KIF6: variants seen among roughly 807,000 people sequenced by gnomAD.
KIF6 encodes kinesin-like protein KIF6.
KIF6 carries 106 observed loss-of-function variants against 112.7 expected under a neutral mutation model. The ratio of observed to expected loss-of-function variants is 0.94; its 90% CI spans 0.80 to 1.11. The LOEUF (loss-of-function observed/expected upper bound fraction) is 1.11. KIF6 is among the 50% of genes least tolerant of loss of function. The pLI is 0.00. For synonymous variants in KIF6, 339 were observed against 339.9 expected (o/e 1.00, Z 0.03); for missense variants, 929 against 964.0 (o/e 0.96, Z 0.48).
In KIF6 at chr6:39,357,277, C is replaced by G; in HGVS notation, c.2180G>C (p.Ser727Thr). ...CACCTCCGGTGAGTTCTCACCTTAC[C>G]TTTTGTTAGAGAGGAGTTGGGACCA... ...HEWSQLLSNKSSGGWEVQDQG... is the reference protein window; with the variant it reads ...HEWSQLLSNKTSGGWEVQDQG... Residue 727 changes from serine to threonine, a missense_variant and splice_region_variant, in exon 19 of 23, where the codon AGT becomes ACT. This residue lies in a region of KIF6 where 241 missense variants were observed against 301.4 expected (regional missense o/e 0.80). Coordinates refer to ENST00000287152, the MANE Select transcript of KIF6 (RefSeq NM_145027.6). 1.2e-6 allele frequency: 2 copies of G among 1,608,066 alleles called. No homozygotes were observed. The highest frequency in any genetic ancestry group is 1.7e-6 in the Non-Finnish European group (2 of 1,175,224).
chr6:39,490,100 G>C (rs1212641538), intron 13 of KIF6, among the ~76,000 whole-genome samples: 1 of 152,224 alleles, frequency 6.6e-6, no homozygotes, highest in East Asian at 1.9e-4. Flanking sequence ...TAGGCCATCA[G>C]AGTTCCTGCT....
intron 4 of KIF6, among the ~76,000 whole-genome samples, chr6:39,636,118 T>C (rs1358490408): frequency 6.6e-6 from 1 of 152,044 alleles, no homozygotes; most frequent in African/African-American, 2.4e-5. Context: ...GTTGAGCCTC[T>C]ACCATGTCAG....
chr6:39,348,863 G>A (rs1045685097), intron 19 of KIF6, among the ~76,000 whole-genome samples: 2 of 152,214 alleles, frequency 1.3e-5, no homozygotes, highest in African/African-American at 2.4e-5. Context: ...CTGGAGCTCG[G>A]GCAGCAACAG....
intron 13 of KIF6, among the ~76,000 whole-genome samples, chr6:39,481,025 C>A (rs1325413860): frequency 3.3e-5 from 5 of 151,692 alleles, no homozygotes; most frequent in Admixed American, 6.6e-5. Context: ...TTTCATTTAT[C>A]TTTTGTATTT....
At chr6:39,452,046 C>CA (rs1031031985) in intron 13 of KIF6, among the ~76,000 whole-genome samples, 20 of 152,330 alleles carry the variant, frequency 1.3e-4, no homozygotes, top group Admixed American at 2.6e-4. Flanking sequence ...TCAGTTTCCT[C>CA]ATCCATGAAA....
At chr6:39,550,236 G>A (rs1779292499) in intron 10 of KIF6, among the ~76,000 whole-genome samples, 2 of 152,104 alleles carry the variant, frequency 1.3e-5, no homozygotes, top group South Asian at 4.2e-4. Flanking sequence ...GTCAGCAGTG[G>A]GTTCTAGAAA....
At chr6:39,571,031 C>A (rs373181235) in intron 10 of KIF6, among the ~76,000 whole-genome samples, 4 of 152,126 alleles carry the variant, frequency 2.6e-5, no homozygotes, top group Non-Finnish European at 5.9e-5. Context: ...AAATTTAAAT[C>A]ATCACTTTTA....
rs190657566 is a variant in KIF6, at chr6:39,698,306, A to G, written c.251+16386T>C. On this transcript the variant is annotated intron_variant, in intron 3 of 22. Transcript: ENST00000287152. ...TAAAGAAGCAATTCCATTTTTTAAAAAGAATCATACAAAAGAAGTTTGTTA... is the reference window on the plus strand; with the variant it reads ...TAAAGAAGCAATTCCATTTTTTAAAGAGAATCATACAAAAGAAGTTTGTTA... Among the ~76,000 whole-genome samples the G allele has an allele frequency of 1.6e-3, 239 of 152,340 alleles. 1 individual carries two copies. The highest frequency in any genetic ancestry group is 5.5e-3 in the African/African-American group (229 of 41,586).
chr6:39,619,366 T>C (rs1030143798), intron 5 of KIF6, among the ~76,000 whole-genome samples: 14 of 152,204 alleles, frequency 9.2e-5, no homozygotes, highest in Non-Finnish European at 1.5e-4. Context: ...CCAAAGATCT[T>C]AACCAACCTC....
intron 11 of KIF6, 61 bp downstream of exon 11, chr6:39,545,522 G>A (rs1779023859): frequency 1.5e-6 from 2 of 1,305,744 alleles, no homozygotes. Context: ...AACTAGAAAA[G>A]TTTTTTTGCA....
chr6:39,478,415 T>A (rs1209961707), intron 13 of KIF6, among the ~76,000 whole-genome samples: 3 of 152,142 alleles, frequency 2.0e-5, no homozygotes, highest in Admixed American at 6.6e-5. Flanking sequence ...CATATATATA[T>A]CATGTCATTA....
chr6:39,535,533 A>C (rs981138891), intron 13 of KIF6, among the ~76,000 whole-genome samples: 12 of 152,224 alleles, frequency 7.9e-5, no homozygotes, highest in African/African-American at 1.7e-4. Flanking sequence ...TATATATGCA[A>C]CCAATACAGG....
chr6:39,689,785 T>G (rs1346528913), intron 3 of KIF6, among the ~76,000 whole-genome samples: 2 of 152,070 alleles, frequency 1.3e-5, no homozygotes, highest in Non-Finnish European at 2.9e-5. Flanking sequence ...TTAAAATTTT[T>G]GTAGAGACCA....
chr6:39,632,404 G>T (rs1023542789), intron 5 of KIF6, among the ~76,000 whole-genome samples: 1 of 152,060 alleles, frequency 6.6e-6, no homozygotes, highest in South Asian at 2.1e-4. Context: ...ATGACTATGA[G>T]TGGGGATCAA....
At chr6:39,463,483 T>C (rs1461526706) in intron 13 of KIF6, among the ~76,000 whole-genome samples, 2 of 152,240 alleles carry the variant, frequency 1.3e-5, no homozygotes, top group Non-Finnish European at 2.9e-5. Flanking sequence ...TACCAGGAGA[T>C]AGCAACCATA....
rs562562995 is a variant in KIF6 at position 39,357,965 on chromosome 6, A to C, written c.2083-591T>G. 3.0e-4 allele frequency among the ~76,000 whole-genome samples: 46 copies of C among 152,314 alleles called. 1 individual carries two copies. The South Asian group carries it at 9.1e-3, about 30-fold the overall frequency. The stretch of plus-strand genomic sequence containing the variant: ...TGAACATGTATTCCTTTTTAAAGAT[A>C]GGAAAAAATTGTTTAAAATGTTATC... On this transcript the variant is annotated intron_variant, in intron 18 of 22. Transcript: ENST00000287152.
At chr6:39,337,225 T>TTCTTTCTTTCTTTCTTTCTC (rs1562102921) in intron 22 of KIF6, among the ~76,000 whole-genome samples, 5 of 111,246 alleles carry the variant, frequency 4.5e-5, no homozygotes, top group Non-Finnish European at 4.9e-5. Flanking sequence ...CTTTCTTTCT[T>TTCTTTCTTTCTTTCTTTCTC]TCTTTCTTTC....
chr6:39,389,268 C>T (rs1026654000), intron 15 of KIF6, among the ~76,000 whole-genome samples: 7 of 152,100 alleles, frequency 4.6e-5, no homozygotes, highest in Non-Finnish European at 8.8e-5. Context: ...CTATTTTGCA[C>T]GCATGCTAGT....
At chr6:39,635,338 T>C (rs1447812449) in intron 4 of KIF6, among the ~76,000 whole-genome samples, 1 of 152,112 alleles carries the variant, frequency 6.6e-6, no homozygotes, top group Non-Finnish European at 1.5e-5. Flanking sequence ...AGTCTATTCA[T>C]AAAAAAGAAC....
Sources: gnomAD v4.1 joint callset for allele counts (sites outside exome capture counted in the v4.1 genomes callset) on GRCh38, gnomAD v4.1.1 for gene constraint, gnomAD v4.1.1 regional missense constraint, MANE v1.5 for transcripts, NCBI Gene and HGNC (gene_info 2026-07-23, HGNC 2026-07-21) for gene names.